Variants in CYTH1 observed in about 807,000 individuals in gnomAD.
CYTH1 encodes the protein cytohesin-1.
CYTH1 carries 18 observed loss-of-function variants against 61.8 expected under a neutral mutation model. The observed-to-expected ratio is 0.29, with a 90% confidence interval of 0.20 to 0.43. CYTH1 has a LOEUF of 0.43. CYTH1 is among the 20% of genes least tolerant of loss of function. CYTH1 has a pLI of 1.00. For missense variants in CYTH1, 336 were observed against 510.5 expected (o/e 0.66, Z 3.29); for synonymous variants, 174 against 184.3 (o/e 0.94, Z 0.45).
At chr17:78,721,146 G>A (rs979477625) in intron 1 of CYTH1, among the ~76,000 whole-genome samples, 5 of 151,928 alleles carry the variant, frequency 3.3e-5, no homozygotes, top group Non-Finnish European at 2.9e-5. Context: ...CCTGGCCAAC[G>A]TGGTGAAACC....
chr17:78,782,065 G>T (rs1850661701), intron 1 of CYTH1, 137 bp downstream of exon 1: 1 of 743,130 alleles, frequency 1.3e-6, no homozygotes, highest in Non-Finnish European at 1.7e-6. Flanking sequence ...CCGCTCGCCC[G>T]CCGGTCGCCC....
chr17:78,702,022 CA>C (rs2093015513), intron 5 of CYTH1, 99 bp downstream of exon 5: 9 of 1,060,958 alleles, frequency 8.5e-6, no homozygotes, highest in Non-Finnish European at 1.1e-5. Flanking sequence ...TGCTTTAAGG[CA>C]AAAACCCCTC....
At chr17:78,771,464 G>A (rs944662053) in intron 1 of CYTH1, among the ~76,000 whole-genome samples, 4 of 149,664 alleles carry the variant, frequency 2.7e-5, no homozygotes, top group Non-Finnish European at 6.0e-5. Context: ...CAGGTGCGGT[G>A]GCTCACACCT....
intron 11 of CYTH1, among the ~76,000 whole-genome samples, chr17:78,688,011 T>C (rs901431067): frequency 2.6e-5 from 4 of 152,180 alleles, no homozygotes; most frequent in Non-Finnish European, 5.9e-5. Flanking sequence ...AGACCTGAGT[T>C]AGGCCATGTA....
intron 1 of CYTH1, among the ~76,000 whole-genome samples, chr17:78,778,637 C>CAAAAAAAAAAAAA (rs71309108): frequency 6.2e-5 from 4 of 64,216 alleles, no homozygotes; most frequent in Non-Finnish European, 1.1e-4. Flanking sequence ...GACTCCATCT[C>CAAAAAAAAAAAAA]AAAAAAAAAA....
At chr17:78,748,345 T>A (rs1413486846) in intron 1 of CYTH1, among the ~76,000 whole-genome samples, 1 of 152,246 alleles carries the variant, frequency 6.6e-6, no homozygotes, top group African/African-American at 2.4e-5. Flanking sequence ...CATCCTGCTG[T>A]GTGATTAACA....
At position 78,680,178 on chromosome 17, in the gene CYTH1, G is replaced by A. The variant is rs1555600315; in HGVS notation, c.1118+12C>T. ...ACCAGGCGCGCACTGCCCTTTCTCA[G>A]CAGTCACTTACTTAATGCACTTAAT... On this transcript the variant is annotated intron_variant, in intron 13 of 13. Coordinates refer to ENST00000446868, the MANE Select transcript of CYTH1 (RefSeq NM_004762.6). 8 of 1,614,012 alleles carry A rather than the reference G, an allele frequency of 5.0e-6. No homozygotes were observed. The highest frequency in any genetic ancestry group is 6.8e-6 in the Non-Finnish European group (8 of 1,179,912).
chr17:78,700,333 G>A lies in CYTH1; in HGVS notation c.548C>T (p.Thr183Met), dbSNP rs375995404. Residue 183 changes from threonine (T) to methionine (M), a missense_variant and splice_region_variant, in exon 7 of 14, where the codon ACG (threonine) becomes ATG (methionine). Coordinates refer to ENST00000446868, the MANE Select transcript of CYTH1 (RefSeq NM_004762.6). The surrounding 1 kb of genome is among the most constrained non-coding windows in gnomAD (Gnocchi z 5.1). ...CQCNNGVFQS[T>M]DTCYVLSFAI... ...CTAGGATGAATGATCGTATTTACCC[G>A]TGGACTGGAACACGCCATTATTGCA... 5.7e-5 allele frequency: 91 copies of A among 1,607,628 alleles called. No individual in the cohort carries two copies. Among genetic ancestry groups the A allele is most frequent in the South Asian group, 1.0e-4 (9 of 89,622 alleles).
chr17:78,702,445 T>C (rs527372556), intron 4 of CYTH1, 93 bp downstream of exon 4: 1 of 1,369,862 alleles, frequency 7.3e-7, no homozygotes, highest in South Asian at 1.2e-5. Flanking sequence ...ACATGAACTG[T>C]AACGCTTGGA....
intron 5 of CYTH1, 98 bp downstream of exon 5, chr17:78,702,024 A>T: frequency 9.2e-7 from 1 of 1,083,240 alleles, no homozygotes; most frequent in East Asian, 2.4e-5. Flanking sequence ...CTTTAAGGCA[A>T]AAACCCCTCC....
intron 1 of CYTH1, among the ~76,000 whole-genome samples, chr17:78,741,676 G>A (rs1346615061): frequency 6.6e-6 from 1 of 152,210 alleles, no homozygotes; most frequent in East Asian, 1.9e-4. Context: ...GCAAATGGGA[G>A]CTCTCTGGCA....
chr17:78,766,480 G>C (rs951263157), intron 1 of CYTH1, among the ~76,000 whole-genome samples: 1 of 152,168 alleles, frequency 6.6e-6, no homozygotes, highest in African/African-American at 2.4e-5. Context: ...CAGTTTACCA[G>C]AGTCCCTGGA....
At chr17:78,737,126 C>T (rs2093323872) in intron 1 of CYTH1, among the ~76,000 whole-genome samples, 1 of 152,224 alleles carries the variant, frequency 6.6e-6, no homozygotes, top group Non-Finnish European at 1.5e-5. Context: ...TTTCTCTTCA[C>T]TTTCAAGTAC....
chr17:78,702,284 A>T, intron 4 of CYTH1, 44 bp from the exon 5 acceptor site: 1 of 1,512,114 alleles, frequency 6.6e-7, no homozygotes, highest in Non-Finnish European at 9.2e-7. Context: ...TTGCTGGGAA[A>T]CAGTTGAAAA....
intron 11 of CYTH1, among the ~76,000 whole-genome samples, chr17:78,688,781 C>A (rs188589705): frequency 6.6e-6 from 1 of 152,280 alleles, no homozygotes; most frequent in African/African-American, 2.4e-5. Flanking sequence ...AGTTTTGAAG[C>A]TTTCATGGCT....
At chr17:78,761,723 G>C (rs1457418758) in intron 1 of CYTH1, among the ~76,000 whole-genome samples, 8 of 152,126 alleles carry the variant, frequency 5.3e-5, no homozygotes, top group African/African-American at 1.7e-4. Context: ...GGGGGACAGA[G>C]CGAGACTCCG....
chr17:78,774,699 A>C (rs964025973), intron 1 of CYTH1, among the ~76,000 whole-genome samples: 33 of 151,788 alleles, frequency 2.2e-4, no homozygotes, highest in African/African-American at 6.5e-4. Context: ...CCCAGACCTT[A>C]TTTTTCTTGT....
chr17:78,746,261 TA>T (rs768344288), intron 1 of CYTH1, among the ~76,000 whole-genome samples: 1 of 152,126 alleles, frequency 6.6e-6, no homozygotes, highest in Non-Finnish European at 1.5e-5. Flanking sequence ...ACTGCAAAGA[TA>T]AAATTTAAAC....
chr17:78,774,730 A>C (rs753618808), intron 1 of CYTH1, among the ~76,000 whole-genome samples: 18 of 152,190 alleles, frequency 1.2e-4, no homozygotes, highest in Non-Finnish European at 2.5e-4. Flanking sequence ...CACCACCCAC[A>C]CACAGGTCTC....
Sources: gnomAD v4.1 joint callset for allele counts (sites outside exome capture counted in the v4.1 genomes callset) on GRCh38, gnomAD v4.1.1 for gene constraint, Gnocchi (gnomAD v3.1) non-coding constraint, MANE v1.5 for transcripts, NCBI Gene and HGNC (gene_info 2026-07-23, HGNC 2026-07-21) for gene names.